The following RARB variants were observed in gnomAD, a reference collection of about 807,000 sequenced individuals.
The protein encoded by RARB is retinoic acid receptor beta, also known as HBV-activated protein.
RARB carries 17 observed loss-of-function variants against 51.9 expected under a neutral mutation model. The ratio of observed to expected loss-of-function variants is 0.33; its 90% CI spans 0.22 to 0.49. The LOEUF is 0.49. Among genes scored for constraint, RARB ranks in the 20% least tolerant of loss-of-function variants. RARB has a pLI of 0.99. For missense variants in RARB, 369 were observed against 550.8 expected (o/e 0.67, Z 3.30); for synonymous variants, 215 against 195.4 (o/e 1.10, Z -0.84).
intron 1 of RARB, among the ~76,000 whole-genome samples, chr3:24,839,246 CA>C (rs1323740536): frequency 6.6e-6 from 1 of 151,946 alleles, no homozygotes; most frequent in Non-Finnish European, 1.5e-5. Flanking sequence ...AAAATATAAA[CA>C]AAAAATAAGG....
intron 1 of RARB, among the ~76,000 whole-genome samples, chr3:24,853,146 T>A (rs1166305658): frequency 6.7e-6 from 1 of 148,826 alleles, no homozygotes; most frequent in Non-Finnish European, 1.5e-5. Context: ...AACCCTGTCT[T>A]TACTAAAAAA....
At chr3:25,240,342 T>C (rs1301562280) in intron 5 of RARB, among the ~76,000 whole-genome samples, 3 of 152,208 alleles carry the variant, frequency 2.0e-5, no homozygotes, top group Admixed American at 2.0e-4. Flanking sequence ...CTGATTGCTG[T>C]GACTAGGACT....
At chr3:25,521,334 C>T (rs752509802) in intron 3 of RARB, among the ~76,000 whole-genome samples, 24 of 152,170 alleles carry the variant, frequency 1.6e-4, no homozygotes, top group Admixed American at 7.2e-4. Flanking sequence ...TCTAATTATA[C>T]AAAACCGGGG....
intron 2 of RARB, among the ~76,000 whole-genome samples, chr3:24,936,357 A>G (rs973694356): frequency 2.6e-5 from 4 of 152,172 alleles, no homozygotes; most frequent in African/African-American, 7.2e-5. Context: ...TCCCAAGACT[A>G]TAATCTGTAT....
intron 2 of RARB, among the ~76,000 whole-genome samples, chr3:25,007,060 A>G (rs1697287713): frequency 6.6e-6 from 1 of 152,118 alleles, no homozygotes; most frequent in African/African-American, 2.4e-5. Flanking sequence ...AAACTTGAAA[A>G]CTGTGATTTT....
At chr3:25,120,315 A>AG (rs1699762405) in intron 3 of RARB, among the ~76,000 whole-genome samples, 1 of 152,152 alleles carries the variant, frequency 6.6e-6, no homozygotes, top group Non-Finnish European at 1.5e-5. Context: ...TCCTTTTAAA[A>AG]GGGGCAGCTG....
At chr3:25,167,258 T>C (rs1278606496) in intron 4 of RARB, among the ~76,000 whole-genome samples, 1 of 152,222 alleles carries the variant, frequency 6.6e-6, no homozygotes, top group Non-Finnish European at 1.5e-5. Context: ...CAGTGAAATA[T>C]AATGGATTAA....
At chr3:25,125,464 G>A (rs1030365260) in intron 3 of RARB, among the ~76,000 whole-genome samples, 2 of 152,166 alleles carry the variant, frequency 1.3e-5, no homozygotes, top group Non-Finnish European at 2.9e-5. Context: ...TAAGTGCTAT[G>A]AAAGGAAAGT....
At chr3:25,552,602 C>G (rs1404991072) in intron 3 of RARB, among the ~76,000 whole-genome samples, 1 of 152,168 alleles carries the variant, frequency 6.6e-6, no homozygotes, top group Non-Finnish European at 1.5e-5. Context: ...ATCTCTTAGT[C>G]TGGTTTCCTC....
intron 5 of RARB, among the ~76,000 whole-genome samples, chr3:25,371,769 A>T (rs1476013993): frequency 2.6e-5 from 4 of 152,252 alleles, no homozygotes; most frequent in African/African-American, 9.6e-5. Flanking sequence ...GAGAGCATTT[A>T]CTGTTTGAAA....
At chr3:25,565,436 A>C (rs1165552701) in intron 3 of RARB, among the ~76,000 whole-genome samples, 2 of 152,160 alleles carry the variant, frequency 1.3e-5, no homozygotes, top group Non-Finnish European at 2.9e-5. Flanking sequence ...AGTGATGCCA[A>C]TATTCTATTA....
intron 2 of RARB, among the ~76,000 whole-genome samples, chr3:25,024,837 C>T (rs1431248113): frequency 1.3e-5 from 2 of 150,986 alleles, no homozygotes; most frequent in Non-Finnish European, 2.9e-5. Flanking sequence ...GCAGTAGTCC[C>T]AGCTACTATG....
At chr3:25,545,772 A>C (rs1699593338) in intron 3 of RARB, among the ~76,000 whole-genome samples, 2 of 152,074 alleles carry the variant, frequency 1.3e-5, no homozygotes, top group South Asian at 4.2e-4. Context: ...ACAACAATTT[A>C]TGAAAGGCTG....
chr3:25,210,207 A>G (rs952026943), intron 5 of RARB, among the ~76,000 whole-genome samples: 5 of 152,194 alleles, frequency 3.3e-5, no homozygotes, highest in Non-Finnish European at 7.3e-5. Flanking sequence ...CCTGTCCGTT[A>G]TGGTCTACAC....
chr3:25,282,569 T>G (rs964369898), intron 5 of RARB, among the ~76,000 whole-genome samples: 2 of 152,204 alleles, frequency 1.3e-5, no homozygotes, highest in Non-Finnish European at 2.9e-5. Context: ...TTGTGTCTCT[T>G]GTTCACTGAT....
At chr3:24,999,851 A>C (rs1224956779) in intron 2 of RARB, among the ~76,000 whole-genome samples, 1 of 152,114 alleles carries the variant, frequency 6.6e-6, no homozygotes, top group Non-Finnish European at 1.5e-5. Flanking sequence ...CATAACTAGC[A>C]AAAATGGCCC....
intron 3 of RARB, among the ~76,000 whole-genome samples, chr3:25,559,141 G>A (rs1026203347): frequency 2.6e-5 from 4 of 152,064 alleles, no homozygotes; most frequent in African/African-American, 9.7e-5. Flanking sequence ...ATGTAGCCAC[G>A]TTTTTCCAAC....
intron 5 of RARB, chr3:25,345,834 C>T (rs1178309984): frequency 1.2e-6 from 1 of 862,830 alleles, no homozygotes; most frequent in African/African-American, 1.8e-5. Context: ...TTTTTGCTAC[C>T]TAAGAGACAC....
chr3:25,123,082 C>G (rs888190819), intron 3 of RARB, among the ~76,000 whole-genome samples: 2 of 152,060 alleles, frequency 1.3e-5, no homozygotes, highest in African/African-American at 4.8e-5. Context: ...TTGAGGTACA[C>G]TTTGACTTGG....
Sources: gnomAD v4.1 joint callset for allele counts (sites outside exome capture counted in the v4.1 genomes callset) on GRCh38, gnomAD v4.1.1 for gene constraint, MANE v1.5 for transcripts, NCBI Gene and HGNC (gene_info 2026-07-23, HGNC 2026-07-21) for gene names.